MYT1L: variants seen among roughly 807,000 people sequenced by gnomAD.
The protein encoded by MYT1L is myelin transcription factor 1 like, also known as myelin transcription factor 1-like protein.
In MYT1L, 12 loss-of-function variants were observed where a neutral mutation model predicts 126.7. The ratio of observed to expected loss-of-function variants is 0.09; its 90% CI spans 0.06 to 0.15. The LOEUF (loss-of-function observed/expected upper bound fraction) is 0.15, where lower values mean the gene tolerates loss of function less well. Among genes scored for constraint, MYT1L ranks in the 10% least tolerant of loss-of-function variants. MYT1L has a pLI of 1.00. For missense variants in MYT1L, 979 were observed against 1,585.2 expected (o/e 0.62, Z 6.49); for synonymous variants, 541 against 604.2 (o/e 0.90, Z 1.53).
intron 3 of MYT1L, among the ~76,000 whole-genome samples, chr2:2,064,315 C>T (rs577003794): frequency 6.6e-6 from 1 of 152,294 alleles, no homozygotes; most frequent in South Asian, 2.1e-4. Context: ...GCTTGGGAGA[C>T]TGTGTCCTAA....
intron 4 of MYT1L, among the ~76,000 whole-genome samples, chr2:2,049,616 T>A (rs1360197071): frequency 3.3e-5 from 5 of 152,200 alleles, no homozygotes; most frequent in Non-Finnish European, 7.3e-5. Flanking sequence ...CACCCAAATC[T>A]CATCTTGAAT....
At chr2:2,034,296 T>C in intron 4 of MYT1L, among the ~76,000 whole-genome samples, 1 of 142,122 alleles carries the variant, frequency 7.0e-6, no homozygotes, top group African/African-American at 2.7e-5. Flanking sequence ...CCCCATAATC[T>C]CCACCCTCCC....
At chr2:2,276,285 C>A (rs765424978) in intron 2 of MYT1L, among the ~76,000 whole-genome samples, 4 of 152,152 alleles carry the variant, frequency 2.6e-5, no homozygotes, top group Admixed American at 2.6e-4. Context: ...GGGCCTGCCC[C>A]CTACACAGCC....
At chr2:2,000,844 G>A (rs2062295700) in intron 4 of MYT1L, among the ~76,000 whole-genome samples, 2 of 152,138 alleles carry the variant, frequency 1.3e-5, no homozygotes, top group Non-Finnish European at 2.9e-5. Context: ...AAGGCCCTGA[G>A]GCTATTTTAT....
At chr2:2,214,590 AT>A (rs1431661035) in intron 2 of MYT1L, among the ~76,000 whole-genome samples, 1 of 152,180 alleles carries the variant, frequency 6.6e-6, no homozygotes, top group Non-Finnish European at 1.5e-5. Flanking sequence ...AGGAAAAGAA[AT>A]CCCCTTACCC....
intron 3 of MYT1L, among the ~76,000 whole-genome samples, chr2:2,114,377 T>A (rs1050903713): frequency 1.3e-5 from 2 of 152,234 alleles, no homozygotes; most frequent in African/African-American, 4.8e-5. Flanking sequence ...CCGTCCTATG[T>A]TGACAAATGA....
At chr2:2,093,043 C>T (rs1399669107) in intron 3 of MYT1L, among the ~76,000 whole-genome samples, 5 of 152,156 alleles carry the variant, frequency 3.3e-5, no homozygotes, top group African/African-American at 9.7e-5. Flanking sequence ...GGCAAATTCA[C>T]AGACATAAAA....
chr2:2,329,249 C>G (rs1274248740), intron 1 of MYT1L, among the ~76,000 whole-genome samples: 4 of 120,324 alleles, frequency 3.3e-5, no homozygotes, highest in African/African-American at 1.3e-4. Context: ...TAGCAGCAGT[C>G]AAATGTCAGG....
chr2:2,164,990 G>A (rs1334981059), intron 3 of MYT1L, among the ~76,000 whole-genome samples: 3 of 152,182 alleles, frequency 2.0e-5, no homozygotes, highest in Admixed American at 1.3e-4. Context: ...ACTGTTTGGC[G>A]GGGCTCTTTC....
intron 3 of MYT1L, among the ~76,000 whole-genome samples, chr2:2,164,782 G>A (rs1022347449): frequency 6.6e-6 from 1 of 152,200 alleles, no homozygotes; most frequent in Non-Finnish European, 1.5e-5. Flanking sequence ...ACACGCCGTT[G>A]CTCAAAGACA....
chr2:1,836,826 G>C (rs960868683), intron 21 of MYT1L, among the ~76,000 whole-genome samples: 3 of 152,086 alleles, frequency 2.0e-5, no homozygotes, highest in Admixed American at 6.5e-5. Context: ...CCATCAGCCT[G>C]TGCCCCCAAG....
At chr2:1,944,095 G>A (rs985588490) in intron 8 of MYT1L, among the ~76,000 whole-genome samples, 16 of 151,928 alleles carry the variant, frequency 1.1e-4, no homozygotes, top group Non-Finnish European at 1.5e-4. Flanking sequence ...GAGAAACAAC[G>A]ATTTTCTTTT....
intron 11 of MYT1L, among the ~76,000 whole-genome samples, chr2:1,913,135 T>G (rs766683844): frequency 2.6e-4 from 39 of 152,190 alleles, no homozygotes; most frequent in Non-Finnish European, 5.1e-4. Flanking sequence ...TTCCTCCTTC[T>G]CTAGAACAAC....
At chr2:2,196,376 T>C (rs1278281879) in intron 2 of MYT1L, among the ~76,000 whole-genome samples, 1 of 152,070 alleles carries the variant, frequency 6.6e-6, no homozygotes, top group African/African-American at 2.4e-5. Context: ...AGTAAAATTA[T>C]CTGCTTGTAA....
At chr2:2,076,271 C>G (rs557404224) in intron 3 of MYT1L, among the ~76,000 whole-genome samples, 1 of 152,162 alleles carries the variant, frequency 6.6e-6, no homozygotes, top group African/African-American at 2.4e-5. Context: ...AAAAGAAAGG[C>G]ACCAGGCACT....
chr2:2,038,104 C>T (rs1021231110), intron 4 of MYT1L, among the ~76,000 whole-genome samples: 1 of 152,160 alleles, frequency 6.6e-6, no homozygotes, highest in South Asian at 2.1e-4. Flanking sequence ...AGCAATAGGA[C>T]CGGGACTACA....
At chr2:2,305,480 G>A (rs930215802) in intron 1 of MYT1L, among the ~76,000 whole-genome samples, 1 of 152,122 alleles carries the variant, frequency 6.6e-6, no homozygotes, top group Non-Finnish European at 1.5e-5. Flanking sequence ...ATTAAACAGG[G>A]AGGATTCCTT....
At chr2:1,898,859 G>A (rs1237034584) in intron 14 of MYT1L, among the ~76,000 whole-genome samples, 2 of 152,230 alleles carry the variant, frequency 1.3e-5, no homozygotes, top group African/African-American at 4.8e-5. Flanking sequence ...TGGAGACAGA[G>A]GGCCAGGGAG....
chr2:2,042,054 G>C (rs891647095), intron 4 of MYT1L, among the ~76,000 whole-genome samples: 1 of 152,168 alleles, frequency 6.6e-6, no homozygotes, highest in Non-Finnish European at 1.5e-5. Context: ...CTTCTTGTAA[G>C]TCTGTTTAAA....
Sources: gnomAD v4.1 joint callset for allele counts (sites outside exome capture counted in the v4.1 genomes callset) on GRCh38, gnomAD v4.1.1 for gene constraint, MANE v1.5 for transcripts, NCBI Gene and HGNC (gene_info 2026-07-23, HGNC 2026-07-21) for gene names.